TMEM150A: variants seen among roughly 807,000 people sequenced by gnomAD.
TMEM150A encodes transmembrane protein 150A.
In TMEM150A, 18 loss-of-function variants were observed where a neutral mutation model predicts 29.8. The ratio of observed to expected loss-of-function variants is 0.60; its 90% CI spans 0.42 to 0.90. The LOEUF is 0.90. TMEM150A is among the 40% of genes least tolerant of loss of function. TMEM150A has a pLI of 0.00. For synonymous variants in TMEM150A, 127 were observed against 143.6 expected, an observed-to-expected ratio of 0.88 and a Z score of 0.83; for missense variants, 251 against 349.7, an observed-to-expected ratio of 0.72 and a Z score of 2.25.
chr2:85,599,556 C>CAGCA lies in TMEM150A; in HGVS notation c.539_542dup (p.Val183GlyfsTer18). On this transcript the variant is annotated frameshift_variant, in exon 7 of 8. Transcript: ENST00000334462. LOFTEE classifies it high-confidence loss of function. The surrounding 1 kb of genome is among the most constrained non-coding windows in gnomAD (Gnocchi z 6.0). ...CCAGGGTGATAAAGGCGATGACAGC[C>CAGCA]AGCACACTTCGCAGATAGGCCACAG... is the stretch of plus-strand genomic sequence containing the variant. 6.2e-7 allele frequency: 1 copy of CAGCA among 1,613,874 alleles called. No individual in the cohort carries two copies. Among genetic ancestry groups the CAGCA allele is most frequent in the Non-Finnish European group, 8.5e-7 (1 of 1,179,898 alleles).
In TMEM150A at chr2:85,599,026, G is replaced by A. The variant is rs1211580183; in HGVS notation, c.*50C>T. 3 of 1,585,530 alleles carry A rather than the reference G, an allele frequency of 1.9e-6. No homozygotes were observed. Among genetic ancestry groups the A allele is most frequent in the East Asian group, 2.3e-5 (1 of 44,278 alleles). ...TTTGGTACGAAATAAATGGAAAGAAGATATGGGGTGGGGTGCTGTGGAGGC... is the reference window on the plus strand; with the variant it reads ...TTTGGTACGAAATAAATGGAAAGAAAATATGGGGTGGGGTGCTGTGGAGGC... On this transcript the variant is annotated 3_prime_UTR_variant, in exon 8 of 8. Coordinates refer to ENST00000334462, the MANE Select transcript of TMEM150A (RefSeq NM_001031738.3). The surrounding 1 kb of genome is among the most constrained non-coding windows in gnomAD (Gnocchi z 6.0).
Position 85,599,877 on chromosome 2 carries a change from A to C in TMEM150A, c.396+14T>G. On this transcript the variant is annotated intron_variant, in intron 6 of 7. Transcript: ENST00000334462. The surrounding 1 kb of genome is among the most constrained non-coding windows in gnomAD (Gnocchi z 6.0). ...AGGTAAAGTTTAAGGTTTGCAGGGGAGAAGGGGAAGCACCTGAAAGTTGCC... is the reference window on the plus strand; with the variant it reads ...AGGTAAAGTTTAAGGTTTGCAGGGGCGAAGGGGAAGCACCTGAAAGTTGCC... 1 of 1,613,012 alleles carries C rather than the reference A, an allele frequency of 6.2e-7. No homozygotes were observed. Among genetic ancestry groups the C allele is most frequent in the South Asian group, 1.1e-5 (1 of 90,990 alleles).
At position 85,602,084 on chromosome 2, in the gene TMEM150A, G is replaced by A; in HGVS notation, c.-116-20C>T. ...CCTGGCCTGGTGGAGAGAGATCAAA[G>A]TCCAGGAGTGGGTAACTGGCCGGGA... On this transcript the variant is annotated intron_variant, in intron 1 of 7. Transcript: ENST00000334462. This position sits in a 1 kb window ranked among gnomAD's most constrained non-coding sequence, Gnocchi z 5.6. The A allele has an allele frequency of 1.3e-6, 1 of 757,422 alleles. No homozygotes were observed. Among genetic ancestry groups the A allele is most frequent in the East Asian group, 2.5e-5 (1 of 39,526 alleles). 46.9% of individuals were successfully genotyped at this position (757,422 alleles called of 1,614,324 possible).
chr2:85,600,186 C>T (rs1194807359), intron 5 of TMEM150A, among the ~76,000 whole-genome samples, 159 bp downstream of exon 5: 1 of 152,180 alleles, frequency 6.6e-6, no homozygotes, highest in African/African-American at 2.4e-5. Flanking sequence ...AGCAGGGTGG[C>T]TGTGTGGGAG....
At position 85,600,025 on chromosome 2, in the gene TMEM150A, G is replaced by T; in HGVS notation, c.269-7C>A. The T allele has an allele frequency of 1.2e-6, 2 of 1,611,766 alleles. No homozygotes were observed. Among genetic ancestry groups the T allele is most frequent in the Non-Finnish European group, 1.7e-6 (2 of 1,179,956 alleles). ...AGGAGGCAGATCAGGGCCACTGGGG[G>T]AGGAGAGCACAGTTGAGGCCTTCCT... On this transcript the variant is annotated splice_polypyrimidine_tract_variant and splice_region_variant and intron_variant, in intron 5 of 7. Transcript: ENST00000334462.
At position 85,599,005 on chromosome 2, in the gene TMEM150A, G is replaced by T. The variant is rs1417892270; in HGVS notation, c.*71C>A. Reference sequence around the variant, plus strand: ...GAATACTTTCTCAAAATTGTTTTTGGTACGAAATAAATGGAAAGAAGATAT... The same window carrying T: ...GAATACTTTCTCAAAATTGTTTTTGTTACGAAATAAATGGAAAGAAGATAT... On this transcript the variant is annotated 3_prime_UTR_variant, in exon 8 of 8. Transcript: ENST00000334462. This position sits in a 1 kb window ranked among gnomAD's most constrained non-coding sequence, Gnocchi z 6.0. The T allele has an allele frequency of 4.0e-5, 62 of 1,567,130 alleles. No individual in the cohort carries two copies. The South Asian group carries it at 6.9e-4, about 17-fold the overall frequency.
intron 5 of TMEM150A, 52 bp downstream of exon 5, chr2:85,600,293 G>C (rs892725033): frequency 5.0e-6 from 8 of 1,598,986 alleles, no homozygotes; most frequent in Non-Finnish European, 6.9e-6. Context: ...GCCTTTCTGT[G>C]TGGGGATCAC....
Position 85,599,245 on chromosome 2 carries a change from A to G in TMEM150A, c.647T>C (p.Ile216Thr). The G allele has an allele frequency of 1.9e-6, 3 of 1,613,986 alleles. No individual in the cohort carries two copies. The highest frequency in any genetic ancestry group is 2.2e-5 in the East Asian group (1 of 44,876). The change falls in exon 8 of 8, where the codon ATC becomes ACC. Residue 216 changes from isoleucine to threonine, a missense_variant. Physicochemically the swap from Ile to Thr is moderately conservative, Grantham distance 89. Transcript: ENST00000334462. The surrounding 1 kb of genome is among the most constrained non-coding windows in gnomAD (Gnocchi z 6.0). ...GGTGCCATAGAAAATGAGGATATCGATGACACACACCCACTCACACAGGGC... is the reference window on the plus strand; with the variant it reads ...GGTGCCATAGAAAATGAGGATATCGGTGACACACACCCACTCACACAGGGC... ...GAALCEWVCV[I>T]DILIFYGTFS...
Position 85,599,079 on chromosome 2 carries a change from G to T in TMEM150A, c.813C>A (p.Ile271=), listed in dbSNP as rs755755806. 8 of 1,613,148 alleles carry T rather than the reference G, an allele frequency of 5.0e-6. No individual in the cohort carries two copies. The highest frequency in any genetic ancestry group is 2.2e-5 in the South Asian group (2 of 91,032). The part of the protein sequence containing the change: ...LNCAPESIAM[I] ...GGCCAGCCACCCTCCCCAGACCTTA[G>T]ATCATAGCGATGCTCTCGGGGGCAC... Residue 271 remains isoleucine (I), a synonymous_variant, in exon 8 of 8, where the codon ATC becomes ATA. Coordinates refer to ENST00000334462, the MANE Select transcript of TMEM150A (RefSeq NM_001031738.3). This position sits in a 1 kb window ranked among gnomAD's most constrained non-coding sequence, Gnocchi z 6.0.
In TMEM150A at chr2:85,599,881, G is replaced by A. The variant is rs773919675; in HGVS notation, c.396+10C>T. ...AAAGTTTAAGGTTTGCAGGGGAGAA[G>A]GGGAAGCACCTGAAAGTTGCCAACC... On this transcript the variant is annotated intron_variant, in intron 6 of 7. Transcript: ENST00000334462. This position sits in a 1 kb window ranked among gnomAD's most constrained non-coding sequence, Gnocchi z 6.0. 6.2e-6 allele frequency: 10 copies of A among 1,613,228 alleles called. No individual in the cohort carries two copies. The highest frequency in any genetic ancestry group is 3.3e-5 in the Admixed American group (2 of 60,030).
Position 85,599,719 on chromosome 2 carries a change from G to A in TMEM150A, c.397-17C>T. 1.2e-6 allele frequency: 2 copies of A among 1,608,762 alleles called. No homozygotes were observed. Among genetic ancestry groups the A allele is most frequent in the Non-Finnish European group, 1.7e-6 (2 of 1,177,598 alleles). ...ATGATCCACCTGGGCCCAGAGAAGGGCCAGTTGGTGATGTGGCCATGGCCC... is the reference window on the plus strand; with the variant it reads ...ATGATCCACCTGGGCCCAGAGAAGGACCAGTTGGTGATGTGGCCATGGCCC... On this transcript the variant is annotated splice_polypyrimidine_tract_variant and intron_variant, in intron 6 of 7. Coordinates refer to ENST00000334462, the MANE Select transcript of TMEM150A (RefSeq NM_001031738.3). This position sits in a 1 kb window ranked among gnomAD's most constrained non-coding sequence, Gnocchi z 6.0.
chr2:85,601,631 A>C lies in TMEM150A; in HGVS notation c.66-149T>G. On this transcript the variant is annotated intron_variant, in intron 2 of 7. Transcript: ENST00000334462. The surrounding 1 kb of genome is among the most constrained non-coding windows in gnomAD (Gnocchi z 4.0). ...GTTGAGGTCCCTAAGGCTTGATGCC[A>C]CACCAGCACCTGCAGCATGCCCCCA... is the stretch of plus-strand genomic sequence containing the variant. The C allele has an allele frequency of 2.2e-6, 2 of 916,370 alleles. No individual in the cohort carries two copies. The highest frequency in any genetic ancestry group is 3.2e-5 in the South Asian group (2 of 63,084). The allele number at this position is 916,370 out of a possible 1,614,324, so 56.8% of individuals were successfully genotyped here. A position where few individuals can be genotyped will look rare whatever the true frequency, so the allele number is the denominator to read the frequency against.
intron 4 of TMEM150A, 35 bp from the exon 5 acceptor site, chr2:85,600,447 G>A (rs1413237724): frequency 2.5e-6 from 4 of 1,590,958 alleles, no homozygotes; most frequent in Middle Eastern, 1.7e-4. Flanking sequence ...TAAGAGGGGT[G>A]CAGGAGGCCC....
At position 85,599,733 on chromosome 2, in the gene TMEM150A, TG is replaced by T; in HGVS notation, c.397-32del. The T allele has an allele frequency of 1.2e-6, 2 of 1,602,618 alleles. No individual in the cohort carries two copies. The highest frequency in any genetic ancestry group is 1.7e-6 in the Non-Finnish European group (2 of 1,173,994). On this transcript the variant is annotated intron_variant, in intron 6 of 7. Coordinates refer to ENST00000334462, the MANE Select transcript of TMEM150A (RefSeq NM_001031738.3). This position sits in a 1 kb window ranked among gnomAD's most constrained non-coding sequence, Gnocchi z 6.0. ...CCCAGAGAAGGGCCAGTTGGTGATG[TG>T]GCCATGGCCCCACCTCTCCACCCCT...
chr2:85,600,374 C>A lies in TMEM150A; in HGVS notation c.239G>T (p.Ser80Ile). ...GSYPPESCLF[S>I]LIGNMGAFMV... ...GAAAGCACCCATGTTGCCAATGAGG[C>A]TGAAGAGGCAGCTTTCTGGGGGATA... Residue 80 changes from serine (S) to isoleucine (I), a missense_variant, in exon 5 of 8, where the codon AGC becomes ATC. Transcript: ENST00000334462. The A allele has an allele frequency of 6.2e-7, 1 of 1,614,020 alleles. No individual in the cohort carries two copies. The highest frequency in any genetic ancestry group is 8.5e-7 in the Non-Finnish European group (1 of 1,180,000).
rs745629112 is a variant in TMEM150A at position 85,600,449 on chromosome 2, A to G, written c.201-37T>C. ...GGGAAGGACAGAGTAAGAGGGGTGCAGGAGGCCCGGGGGGCCCCCATTTTG... is the reference window on the plus strand; with the variant it reads ...GGGAAGGACAGAGTAAGAGGGGTGCGGGAGGCCCGGGGGGCCCCCATTTTG... On this transcript the variant is annotated intron_variant, in intron 4 of 7. Transcript: ENST00000334462. 50 of 1,588,180 alleles carry G rather than the reference A, an allele frequency of 3.1e-5. 1 individual carries two copies. The Middle Eastern group carries it at 2.9e-3, about 92-fold the overall frequency.
chr2:85,601,271 A>C lies in TMEM150A; in HGVS notation c.113+164T>G. ...AAGCAGTAACCAAAGGGGCAAAGGGATAGTGGGAAGTGGGTAGGTGGCAAG... is the reference window on the plus strand; with the variant it reads ...AAGCAGTAACCAAAGGGGCAAAGGGCTAGTGGGAAGTGGGTAGGTGGCAAG... On this transcript the variant is annotated intron_variant, in intron 3 of 7. Coordinates refer to ENST00000334462, the MANE Select transcript of TMEM150A (RefSeq NM_001031738.3). The surrounding 1 kb of genome is among the most constrained non-coding windows in gnomAD (Gnocchi z 4.0). 1 of 1,158,772 alleles carries C rather than the reference A, an allele frequency of 8.6e-7. No individual in the cohort carries two copies. The highest frequency in any genetic ancestry group is 1.3e-6 in the Non-Finnish European group (1 of 770,968). 71.8% of individuals were successfully genotyped at this position (1,158,772 alleles called of 1,614,324 possible). A position where few individuals can be genotyped will look rare whatever the true frequency, so the allele number is the denominator to read the frequency against.
In TMEM150A at chr2:85,599,853, G is replaced by A. The variant is rs371792524; in HGVS notation, c.396+38C>T. 1.2e-6 allele frequency: 2 copies of A among 1,612,598 alleles called. No individual in the cohort carries two copies. Among genetic ancestry groups the A allele is most frequent in the African/African-American group, 1.3e-5 (1 of 74,892 alleles). On this transcript the variant is annotated intron_variant, in intron 6 of 7. Transcript: ENST00000334462. This position sits in a 1 kb window ranked among gnomAD's most constrained non-coding sequence, Gnocchi z 6.0. ...CACTGCAGGCAGCCAGGCCTTGTTA[G>A]GTAAAGTTTAAGGTTTGCAGGGGAG...
In TMEM150A at chr2:85,601,873, C is replaced by T; in HGVS notation, c.65+11G>A. 1 of 1,613,818 alleles carries T rather than the reference C, an allele frequency of 6.2e-7. No individual in the cohort carries two copies. The highest frequency in any genetic ancestry group is 8.5e-7 in the Non-Finnish European group (1 of 1,179,784). On this transcript the variant is annotated intron_variant, in intron 2 of 7. Transcript: ENST00000334462. This position sits in a 1 kb window ranked among gnomAD's most constrained non-coding sequence, Gnocchi z 4.0. ...GCTCCTGTTGCCCCCCGGGCACCCC[C>T]CTTTACTCACACAGTCCATATGCCA...
Sources: gnomAD v4.1 joint callset for allele counts (sites outside exome capture counted in the v4.1 genomes callset) on GRCh38, gnomAD v4.1.1 for gene constraint, Gnocchi (gnomAD v3.1) non-coding constraint, MANE v1.5 for transcripts, NCBI Gene and HGNC (gene_info 2026-07-23, HGNC 2026-07-21) for gene names.